The following CLASP1 variants were observed in gnomAD, a reference collection of about 807,000 sequenced individuals.
The protein encoded by CLASP1 is CLIP-associating protein 1.
In CLASP1, 38 loss-of-function variants were observed where a neutral mutation model predicts 192.3. That is an observed-to-expected ratio of 0.20 (90% CI 0.15 to 0.26). The LOEUF (loss-of-function observed/expected upper bound fraction) is 0.26. Among genes scored for constraint, CLASP1 ranks in the 10% least tolerant of loss-of-function variants. The pLI, the probability that CLASP1 is intolerant of heterozygous loss-of-function variation, is 1.00. For missense variants in CLASP1, 1,433 were observed against 1,932.5 expected, an observed-to-expected ratio of 0.74 and a Z score of 4.85; for synonymous variants, 691 against 712.8, an observed-to-expected ratio of 0.97 and a Z score of 0.49.
intron 37 of CLASP1, among the ~76,000 whole-genome samples, chr2:121,350,653 A>C (rs1432495240): frequency 6.6e-6 from 1 of 152,200 alleles, no homozygotes; most frequent in Non-Finnish European, 1.5e-5. Context: ...AATTTTTCCA[A>C]CACTAGACAG....
intron 1 of CLASP1, among the ~76,000 whole-genome samples, chr2:121,629,500 A>G (rs2069064376): frequency 6.6e-6 from 1 of 152,210 alleles, no homozygotes; most frequent in South Asian, 2.1e-4. Flanking sequence ...CAATTAGAAA[A>G]GCAAACTAGG....
At chr2:121,392,807 G>A (rs542849054) in intron 30 of CLASP1, among the ~76,000 whole-genome samples, 7 of 152,198 alleles carry the variant, frequency 4.6e-5, no homozygotes, top group African/African-American at 1.7e-4. Flanking sequence ...ACTAGTCAGG[G>A]CTCCCACACT....
intron 8 of CLASP1, among the ~76,000 whole-genome samples, chr2:121,490,519 T>G (rs770314888): frequency 6.6e-6 from 1 of 152,230 alleles, no homozygotes; most frequent in Non-Finnish European, 1.5e-5. Flanking sequence ...CATCCAACTC[T>G]ACTCATTTAA....
chr2:121,592,551 T>C (rs530944242), intron 2 of CLASP1, among the ~76,000 whole-genome samples: 61 of 152,340 alleles, frequency 4.0e-4, no homozygotes, highest in African/African-American at 1.4e-3. Flanking sequence ...ACATAGGATA[T>C]ACATTTCAAA....
chr2:121,486,180 A>G (rs896802911), intron 8 of CLASP1, among the ~76,000 whole-genome samples: 3 of 152,222 alleles, frequency 2.0e-5, no homozygotes. Flanking sequence ...CTTCCTGGTA[A>G]TAGGTTAGAG....
chr2:121,377,087 G>C (rs2149322568), intron 34 of CLASP1, among the ~76,000 whole-genome samples: 1 of 152,310 alleles, frequency 6.6e-6, no homozygotes, highest in African/African-American at 2.4e-5. Flanking sequence ...CCTGGTCTGT[G>C]GAAAAACTAT....
At chr2:121,595,081 TG>T (rs1576330888) in intron 2 of CLASP1, among the ~76,000 whole-genome samples, 1 of 152,222 alleles carries the variant, frequency 6.6e-6, no homozygotes, top group Non-Finnish European at 1.5e-5. Flanking sequence ...AAATCAACTG[TG>T]GGGTACGTCC....
intron 19 of CLASP1, among the ~76,000 whole-genome samples, chr2:121,437,504 A>G (rs2082509913): frequency 6.6e-6 from 1 of 152,186 alleles, no homozygotes; most frequent in Non-Finnish European, 1.5e-5. Flanking sequence ...TGTGCTGTGG[A>G]CACAAGTAAT....
At chr2:121,594,000 C>G (rs1337943527) in intron 2 of CLASP1, among the ~76,000 whole-genome samples, 1 of 131,904 alleles carries the variant, frequency 7.6e-6, no homozygotes, top group African/African-American at 2.9e-5. Flanking sequence ...AAGAGCAAAA[C>G]TCCGTCTCAA....
intron 32 of CLASP1, among the ~76,000 whole-genome samples, chr2:121,383,393 C>A (rs1343344149): frequency 1.3e-5 from 2 of 152,344 alleles, no homozygotes; most frequent in East Asian, 3.9e-4. Context: ...GTGTGGGGCA[C>A]ACACTGGGTC....
intron 2 of CLASP1, among the ~76,000 whole-genome samples, chr2:121,538,408 G>A (rs1242681160): frequency 3.3e-5 from 5 of 150,912 alleles, no homozygotes; most frequent in East Asian, 3.9e-4. Context: ...GCAAAACTCC[G>A]TCTCAAAAAA....
chr2:121,478,784 CCACACACACCA>C (rs2092105985), intron 8 of CLASP1, among the ~76,000 whole-genome samples: 3 of 29,608 alleles, frequency 1.0e-4, no homozygotes, highest in East Asian at 8.6e-4. Flanking sequence ...CACACACACC[CCACACACACCA>C]CACACCACAC....
At chr2:121,627,622 T>C (rs1337996244) in intron 1 of CLASP1, among the ~76,000 whole-genome samples, 1 of 152,222 alleles carries the variant, frequency 6.6e-6, no homozygotes, top group Non-Finnish European at 1.5e-5. Context: ...CTTTGCTTAT[T>C]GTCCCTCACC....
intron 23 of CLASP1, among the ~76,000 whole-genome samples, chr2:121,411,980 G>A (rs530929257): frequency 5.9e-5 from 9 of 152,212 alleles, no homozygotes; most frequent in African/African-American, 1.7e-4. Context: ...TTTGGACAAC[G>A]AAAATCTCTA....
intron 2 of CLASP1, among the ~76,000 whole-genome samples, chr2:121,531,288 TTGCACCTCACA>T (rs1357731722): frequency 2.0e-5 from 3 of 152,108 alleles, no homozygotes; most frequent in Non-Finnish European, 4.4e-5. Context: ...CAGTAGGTCT[TTGCACCTCACA>T]TAAAATGTAA....
At chr2:121,480,227 A>G (rs1414899928) in intron 8 of CLASP1, among the ~76,000 whole-genome samples, 2 of 152,228 alleles carry the variant, frequency 1.3e-5, no homozygotes, top group Non-Finnish European at 2.9e-5. Context: ...CAGGCAAGGA[A>G]AACACCATCG....
intron 2 of CLASP1, among the ~76,000 whole-genome samples, chr2:121,547,187 C>T (rs2057528081): frequency 6.6e-6 from 1 of 152,196 alleles, no homozygotes; most frequent in South Asian, 2.1e-4. Context: ...CCTCCAGCCA[C>T]CCCCTTACCA....
intron 2 of CLASP1, among the ~76,000 whole-genome samples, chr2:121,570,142 C>A (rs1035833171): frequency 2.0e-5 from 3 of 152,192 alleles, no homozygotes; most frequent in Non-Finnish European, 4.4e-5. Context: ...TTCCAAGAGG[C>A]CTCTAGCATA....
At chr2:121,629,862 T>C (rs957620888) in intron 1 of CLASP1, among the ~76,000 whole-genome samples, 1 of 152,190 alleles carries the variant, frequency 6.6e-6, no homozygotes, top group South Asian at 2.1e-4. Flanking sequence ...AAACTTTTTT[T>C]TATATGCATC....
Sources: allele counts gnomAD v4.1 joint callset (sites outside exome capture counted in the v4.1 genomes callset), GRCh38; gene constraint gnomAD v4.1.1; transcripts MANE v1.5; gene names NCBI Gene and HGNC (gene_info 2026-07-23, HGNC 2026-07-21).